The following DPYSL4 variants were observed in gnomAD, a reference collection of about 807,000 sequenced individuals.
DPYSL4 encodes dihydropyrimidinase-related protein 4.
DPYSL4 carries 43 observed loss-of-function variants against 63.4 expected under a neutral mutation model. The ratio of observed to expected loss-of-function variants is 0.68; its 90% CI spans 0.53 to 0.88. The LOEUF (loss-of-function observed/expected upper bound fraction) is 0.88. Ranked by LOEUF, DPYSL4 falls within the 40% of genes least tolerant of loss-of-function variation. The pLI is 0.00. For missense variants in DPYSL4, 733 were observed against 819.5 expected, an observed-to-expected ratio of 0.89 and a Z score of 1.29; for synonymous variants, 353 against 331.7, an observed-to-expected ratio of 1.06 and a Z score of -0.70.
chr10:132,204,932 C>A lies in DPYSL4; in HGVS notation c.*2C>A. 1 of 1,606,006 alleles carries A rather than the reference C, an allele frequency of 6.2e-7. No individual in the cohort carries two copies. The highest frequency in any genetic ancestry group is 8.5e-7 in the Non-Finnish European group (1 of 1,175,546). ...TCCAACATCACCTCTCTCTCCTAGA[C>A]GCCCAGGACCGGCCCTGTGAGCCGT... On this transcript the variant is annotated 3_prime_UTR_variant, in exon 14 of 14. Transcript: ENST00000338492.
intron 3 of DPYSL4, among the ~76,000 whole-genome samples, chr10:132,194,350 G>A (rs1456381848): frequency 1.3e-5 from 2 of 152,268 alleles, no homozygotes; most frequent in Non-Finnish European, 2.9e-5. Flanking sequence ...CATGATGGCT[G>A]TGTGCAGGGG....
intron 9 of DPYSL4, 91 bp downstream of exon 9, chr10:132,200,603 C>T: frequency 2.0e-6 from 3 of 1,525,790 alleles, no homozygotes; most frequent in South Asian, 1.2e-5. Flanking sequence ...TCTCCCACGG[C>T]TCCCATAGGG....
At chr10:132,200,580 G>A (rs1034857459) in intron 9 of DPYSL4, 68 bp downstream of exon 9, 93 of 1,575,578 alleles carry the variant, frequency 5.9e-5, no homozygotes, top group South Asian at 7.0e-5. Context: ...CTGTGGCCCC[G>A]ACACCCCAGG....
Position 132,200,991 on chromosome 10 carries a change from C to A in DPYSL4, c.1110+8C>A. ...GTCTGGGAGAAATGTGTGGTGAGCA[C>A]AGGCCTGGCCGGGGCACGCCGTCTG... On this transcript the variant is annotated splice_region_variant and intron_variant, in intron 10 of 13. Transcript: ENST00000338492. 6.2e-7 allele frequency: 1 copy of A among 1,612,196 alleles called. No individual in the cohort carries two copies. The highest frequency in any genetic ancestry group is 1.3e-5 in the African/African-American group (1 of 75,034).
intron 1 of DPYSL4, 95 bp downstream of exon 1, chr10:132,187,197 G>A (rs995637667): frequency 3.4e-6 from 3 of 891,514 alleles, no homozygotes; most frequent in Admixed American, 2.7e-5. Context: ...TGCGTGGGTG[G>A]GGGGTCCCTG....
intron 3 of DPYSL4, 48 bp from the exon 4 acceptor site, chr10:132,194,797 G>C: frequency 6.3e-7 from 1 of 1,593,990 alleles, no homozygotes; most frequent in Non-Finnish European, 8.6e-7. Context: ...GGCAGAGGTG[G>C]GAACCAGGGA....
chr10:132,198,553 T>C (rs2061973040), intron 7 of DPYSL4, 70 bp downstream of exon 7: 9 of 1,458,282 alleles, frequency 6.2e-6, no homozygotes, highest in South Asian at 1.2e-5. Context: ...GGGGCTGTGC[T>C]GACCCTGGCC....
chr10:132,201,940 C>A lies in DPYSL4; in HGVS notation c.1111-6C>A, dbSNP rs762740893. The A allele has an allele frequency of 6.2e-7, 1 of 1,609,668 alleles. No homozygotes were observed. The highest frequency in any genetic ancestry group is 1.3e-5 in the African/African-American group (1 of 74,864). ...TCGCCCTCAGCTCAGCCTTCTTGTT[C>A]CCCAGGCCTCTGGGAAGATGGACGA... is the stretch of plus-strand genomic sequence containing the variant. On this transcript the variant is annotated splice_polypyrimidine_tract_variant and splice_region_variant and intron_variant, in intron 10 of 13. Coordinates refer to ENST00000338492, the MANE Select transcript of DPYSL4 (RefSeq NM_006426.3).
In DPYSL4 at chr10:132,192,662, A is replaced by G. The variant is rs568020384; in HGVS notation, c.133A>G (p.Ile45Val). ...VHVEDGLIKQ[I>V]GENLIVPGGI... is the part of the protein sequence containing the mutation. ...TGAAATCTCTGCTGCTTTCAGACAA[A>G]TCGGAGAAAACCTCATCGTCCCTGG... Residue 45 changes from isoleucine to valine, a missense_variant, in exon 3 of 14, where the codon ATC becomes GTC. By Grantham distance (29) the Ile-to-Val change is conservative. Transcript: ENST00000338492. The G allele has an allele frequency of 2.5e-5, 40 of 1,601,196 alleles. No individual in the cohort carries two copies. In the South Asian group the frequency reaches 2.6e-4, roughly 10 times the overall value.
chr10:132,195,993 C>T (rs2061938303), intron 4 of DPYSL4, among the ~76,000 whole-genome samples: 1 of 152,220 alleles, frequency 6.6e-6, no homozygotes, highest in Admixed American at 6.5e-5. Context: ...CTGCGCAACC[C>T]AAACATGACC....
Position 132,189,248 on chromosome 10 carries a change from G to A in DPYSL4, c.40-1499G>A, listed in dbSNP as rs145009208. ...GGGCGTGCTGAGGCGCACGCCAGAC[G>A]GTGGAGGGAAAAGCGTTGCCGAGTC... On this transcript the variant is annotated intron_variant, in intron 1 of 13. Coordinates refer to ENST00000338492, the MANE Select transcript of DPYSL4 (RefSeq NM_006426.3). 2.0e-3 allele frequency among the ~76,000 whole-genome samples: 312 copies of A among 152,360 alleles called. 2 individuals carry two copies. Among genetic ancestry groups the A allele is most frequent in the African/African-American group, 6.7e-3 (278 of 41,584 alleles).
chr10:132,203,798 G>C lies in DPYSL4; in HGVS notation c.1498G>C (p.Asp500His). The change falls in exon 13 of 14, where the codon GAC becomes CAC. Residue 500 changes from aspartate (D) to histidine (H), a missense_variant. Asp to His is a moderately conservative substitution (Grantham distance 81). Transcript: ENST00000338492. Reference sequence around the variant, plus strand: ...CCACGGTGTGCCCCGTGGACTGTATGACGGGCCCGTCCACGAGGTGATGGT... The same window carrying C: ...CCACGGTGTGCCCCGTGGACTGTATCACGGGCCCGTCCACGAGGTGATGGT... ...EIHGVPRGLY[D>H]GPVHEVMVPA... 1 of 1,612,366 alleles carries C rather than the reference G, an allele frequency of 6.2e-7. No homozygotes were observed. Among genetic ancestry groups the C allele is most frequent in the Non-Finnish European group, 8.5e-7 (1 of 1,179,574 alleles).
intron 3 of DPYSL4, among the ~76,000 whole-genome samples, 159 bp downstream of exon 3, chr10:132,193,001 C>A (rs899776516): frequency 2.0e-5 from 3 of 152,150 alleles, no homozygotes; most frequent in Non-Finnish European, 4.4e-5. Context: ...CTTTTCTAAT[C>A]CCTGTGTCTC....
At chr10:132,202,854 C>T (rs1404037300) in intron 12 of DPYSL4, 29 bp downstream of exon 12, 1 of 1,557,456 alleles carries the variant, frequency 6.4e-7, no homozygotes, top group Non-Finnish European at 8.7e-7. Flanking sequence ...GGGTGTTGTG[C>T]AGGTAGGCAG....
intron 3 of DPYSL4, among the ~76,000 whole-genome samples, chr10:132,193,776 G>A (rs189609875): frequency 6.6e-5 from 10 of 152,374 alleles, no homozygotes; most frequent in Non-Finnish European, 1.0e-4. Context: ...GTGAGTTAAT[G>A]CACGTCAGTT....
At chr10:132,203,522 T>C (rs1451734900) in intron 12 of DPYSL4, 4 of 542,822 alleles carry the variant, frequency 7.4e-6, no homozygotes, top group Non-Finnish European at 9.9e-6. Context: ...CACATGCAGA[T>C]GGGACCGCAG....
chr10:132,197,817 G>A (rs1022269810), intron 6 of DPYSL4, among the ~76,000 whole-genome samples: 13 of 152,328 alleles, frequency 8.5e-5, no homozygotes, highest in African/African-American at 2.9e-4. Flanking sequence ...TCGTCCACCC[G>A]TCCAGCTGTG....
At chr10:132,196,712 G>T (rs1049274302) in intron 4 of DPYSL4, 149 bp from the exon 5 acceptor site, 3 of 820,916 alleles carry the variant, frequency 3.7e-6, no homozygotes, top group Non-Finnish European at 3.9e-6. Flanking sequence ...GGAAGCGGGG[G>T]ACTGCTCCCA....
At chr10:132,191,111 C>T (rs28522561) in intron 2 of DPYSL4, among the ~76,000 whole-genome samples, 9,531 of 62,316 alleles carry the variant, frequency 0.15, 763 homozygotes, top group East Asian at 0.56. Context: ...ACGCTGGCCA[C>T]GTGGTATCCA....
Sources: gnomAD v4.1 joint callset for allele counts (sites outside exome capture counted in the v4.1 genomes callset) on GRCh38, gnomAD v4.1.1 for gene constraint, MANE v1.5 for transcripts, NCBI Gene and HGNC (gene_info 2026-07-23, HGNC 2026-07-21) for gene names.